Variants in SEPTIN9 observed in about 807,000 individuals in gnomAD.
The protein encoded by SEPTIN9 is septin-9.
A neutral mutation model predicts 56.6 loss-of-function variants in SEPTIN9; 13 were observed. The observed-to-expected ratio is 0.23, with a 90% CI of 0.15 to 0.37. SEPTIN9 has a LOEUF of 0.37. Ranked by LOEUF, SEPTIN9 falls within the 10% of genes least tolerant of loss-of-function variation. SEPTIN9 has a pLI of 1.00. For synonymous variants in SEPTIN9, 332 were observed against 334.1 expected (o/e 0.99, Z 0.07); for missense variants, 650 against 823.1 (o/e 0.79, Z 2.57).
At chr17:77,479,478 G>A (rs1343662426) in intron 3 of SEPTIN9, among the ~76,000 whole-genome samples, 1 of 152,266 alleles carries the variant, frequency 6.6e-6, no homozygotes, top group Non-Finnish European at 1.5e-5. Flanking sequence ...CGCCTCTCGA[G>A]GGAGGGGTTG....
At chr17:77,452,579 T>A (rs1247116199) in intron 3 of SEPTIN9, among the ~76,000 whole-genome samples, 2 of 152,142 alleles carry the variant, frequency 1.3e-5, no homozygotes, top group Non-Finnish European at 2.9e-5. Context: ...GGTTGAGCAG[T>A]GGTTTTCTGG....
intron 2 of SEPTIN9, among the ~76,000 whole-genome samples, chr17:77,312,576 C>T (rs777814161): frequency 8.5e-5 from 13 of 152,128 alleles, no homozygotes; most frequent in East Asian, 1.9e-4. Flanking sequence ...TCCATAGCCT[C>T]GGACCAGAGC....
chr17:77,479,817 G>A (rs1290503306), intron 3 of SEPTIN9, among the ~76,000 whole-genome samples: 1 of 152,114 alleles, frequency 6.6e-6, no homozygotes, highest in Non-Finnish European at 1.5e-5. Context: ...CCAGTCCCAG[G>A]CAAAATGGCT....
chr17:77,320,340 G>A lies in SEPTIN9; in HGVS notation c.76+13143G>A, dbSNP rs200814561. 9.5e-5 allele frequency: 154 copies of A among 1,613,092 alleles called. No individual in the cohort carries two copies. The highest frequency in any genetic ancestry group is 1.2e-4 in the Non-Finnish European group (141 of 1,179,790). Reference sequence around the variant, plus strand: ...ATATCCGTAGGAATGGAGAGGGACCGGATCTCAGGTACGCAGACAGCCCCC... The same window carrying A: ...ATATCCGTAGGAATGGAGAGGGACCAGATCTCAGGTACGCAGACAGCCCCC... On this transcript the variant is annotated intron_variant, in intron 2 of 11. Coordinates refer to ENST00000427177, the MANE Select transcript of SEPTIN9 (RefSeq NM_001113491.2).
At chr17:77,411,075 A>T (rs938234439) in intron 3 of SEPTIN9, among the ~76,000 whole-genome samples, 1 of 147,840 alleles carries the variant, frequency 6.8e-6, no homozygotes, top group Non-Finnish European at 1.5e-5. Flanking sequence ...ACAGAACAAG[A>T]CTCCCATCTG....
In SEPTIN9 at chr17:77,476,476, G is replaced by A. The variant is rs750840049; in HGVS notation, c.722-5668G>A. ...GTCACTAAGTGCAGATGTTCCCAGAGGGTGCTGGCTCAGGGCTGCGTGGAT... is the reference window on the plus strand; with the variant it reads ...GTCACTAAGTGCAGATGTTCCCAGAAGGTGCTGGCTCAGGGCTGCGTGGAT... On this transcript the variant is annotated intron_variant, in intron 3 of 11. Transcript: ENST00000427177. This position sits in a 1 kb window ranked among gnomAD's most constrained non-coding sequence, Gnocchi z 6.0. Among the ~76,000 whole-genome samples the A allele has an allele frequency of 1.3e-5, 2 of 152,222 alleles. No individual in the cohort carries two copies. Among genetic ancestry groups the A allele is most frequent in the Non-Finnish European group, 2.9e-5 (2 of 68,036 alleles).
intron 3 of SEPTIN9, among the ~76,000 whole-genome samples, chr17:77,447,616 ATTCAT>A (rs2037790217): frequency 6.6e-6 from 1 of 152,316 alleles, no homozygotes; most frequent in East Asian, 1.9e-4. Flanking sequence ...TGCCTAAAAC[ATTCAT>A]TTCTTTTTTT....
chr17:77,385,140 TG>T (rs2143994919), intron 2 of SEPTIN9, among the ~76,000 whole-genome samples: 1 of 148,418 alleles, frequency 6.7e-6, no homozygotes, highest in African/African-American at 2.5e-5. Flanking sequence ...GAGACCAGCC[TG>T]GGCAACATAG....
At chr17:77,408,969 G>T (rs976811408) in intron 3 of SEPTIN9, among the ~76,000 whole-genome samples, 2 of 152,156 alleles carry the variant, frequency 1.3e-5, no homozygotes, top group Non-Finnish European at 2.9e-5. Context: ...GTCTGATGAA[G>T]CAGTGAGTTT....
rs1456920929 is a variant in SEPTIN9 at position 77,421,287 on chromosome 17, C to T, written c.721+18584C>T. On this transcript the variant is annotated intron_variant, in intron 3 of 11. Coordinates refer to ENST00000427177, the MANE Select transcript of SEPTIN9 (RefSeq NM_001113491.2). The surrounding 1 kb of genome is among the most constrained non-coding windows in gnomAD (Gnocchi z 4.6). ...CTGCCCTGGATTTTGAAATAAGACA[C>T]CGCCCGTCTGTGGGGTGAGCAGGAA... Among the ~76,000 whole-genome samples the T allele has an allele frequency of 6.6e-6, 1 of 152,202 alleles. No homozygotes were observed. Among genetic ancestry groups the T allele is most frequent in the Non-Finnish European group, 1.5e-5 (1 of 68,044 alleles).
chr17:77,321,898 G>C (rs2032950744), intron 2 of SEPTIN9, among the ~76,000 whole-genome samples: 1 of 152,232 alleles, frequency 6.6e-6, no homozygotes, highest in Non-Finnish European at 1.5e-5. Context: ...CCAGCGTCCT[G>C]CTCTCCGCCC....
chr17:77,429,435 G>A lies in SEPTIN9; in HGVS notation c.721+26732G>A, dbSNP rs1407035481. 1.0e-5 allele frequency: 4 copies of A among 388,708 alleles called. No individual in the cohort carries two copies. Among genetic ancestry groups the A allele is most frequent in the South Asian group, 3.8e-5 (2 of 53,036 alleles). 24.1% of individuals were successfully genotyped at this position (388,708 alleles called of 1,614,324 possible). A position where few individuals can be genotyped will look rare whatever the true frequency, so the allele number is the denominator to read the frequency against. ...TGCTCGCCGATTGCATTTGGGGAGG[G>A]ACTGAGGGCTGATTGTGTTGTGGGG... On this transcript the variant is annotated intron_variant, in intron 3 of 11. Coordinates refer to ENST00000427177, the MANE Select transcript of SEPTIN9 (RefSeq NM_001113491.2). This position sits in a 1 kb window ranked among gnomAD's most constrained non-coding sequence, Gnocchi z 5.2.
At chr17:77,287,413 G>A (rs2031330635) in intron 1 of SEPTIN9, among the ~76,000 whole-genome samples, 1 of 152,364 alleles carries the variant, frequency 6.6e-6, no homozygotes, top group South Asian at 2.1e-4. Context: ...TGAGCTGTGA[G>A]CTGCCCGTCT....
rs1364542804 is a variant in SEPTIN9 at position 77,450,624 on chromosome 17, C to A, written c.722-31520C>A. 1 of 985,756 alleles carries A rather than the reference C, an allele frequency of 1.0e-6. No homozygotes were observed. The highest frequency in any genetic ancestry group is 6.1e-5 in the Admixed American group (1 of 16,272). 61.1% of individuals were successfully genotyped at this position (985,756 alleles called of 1,614,324 possible). A position where few individuals can be genotyped will look rare whatever the true frequency, so the allele number is the denominator to read the frequency against. On this transcript the variant is annotated intron_variant, in intron 3 of 11. Coordinates refer to ENST00000427177, the MANE Select transcript of SEPTIN9 (RefSeq NM_001113491.2). This position sits in a 1 kb window ranked among gnomAD's most constrained non-coding sequence, Gnocchi z 6.0. ...AGTGTCAGCTCCCTCCTCTGGGGACCCCCTTGCTTGTGCCCCTCTGGGTCC... is the reference window on the plus strand; with the variant it reads ...AGTGTCAGCTCCCTCCTCTGGGGACACCCTTGCTTGTGCCCCTCTGGGTCC...
Position 77,488,819 on chromosome 17 carries a change from C to T in SEPTIN9, c.1217C>T (p.Thr406Ile), listed in dbSNP as rs573798662. Residue 406 changes from threonine to isoleucine, a missense_variant, in exon 7 of 12, where the codon ACC becomes ATC. Physicochemically the swap from Thr to Ile is moderately conservative, Grantham distance 89 (BLOSUM62 -1). Transcript: ENST00000427177. ...NINRKKRIPD[T>I]RVHCCLYFIP... is the part of the protein sequence containing the mutation. The stretch of plus-strand genomic sequence containing the variant: ...AACCGCAAGAAGCGCATCCCGGACA[C>T]CCGCGTCCACTGCTGCCTCTACTTC... The T allele has an allele frequency of 1.9e-6, 3 of 1,613,776 alleles. No homozygotes were observed. The African/African-American group carries it at 4.0e-5, about 22-fold the overall frequency.
chr17:77,296,489 A>G (rs1161288453), intron 1 of SEPTIN9, among the ~76,000 whole-genome samples: 3 of 152,186 alleles, frequency 2.0e-5, no homozygotes, highest in African/African-American at 7.2e-5. Flanking sequence ...ACAGACAGGC[A>G]GACAAATGGA....
intron 2 of SEPTIN9, chr17:77,397,156 G>C (rs1403612556): frequency 9.0e-5 from 14 of 154,734 alleles, no homozygotes; most frequent in Non-Finnish European, 1.5e-5. Context: ...AGATTGATTC[G>C]CTCATGGTTC....
At chr17:77,361,757 G>A (rs312880) in intron 2 of SEPTIN9, among the ~76,000 whole-genome samples, 38,929 of 151,658 alleles carry the variant, frequency 0.26, 5,426 homozygotes, top group East Asian at 0.61. Flanking sequence ...CTCAGCCTCC[G>A]GAGTAGCTGG....
chr17:77,490,197 C>T (rs2039964858), intron 7 of SEPTIN9, among the ~76,000 whole-genome samples: 1 of 152,206 alleles, frequency 6.6e-6, no homozygotes, highest in Non-Finnish European at 1.5e-5. Flanking sequence ...AGCTCGGCTC[C>T]AGAACTGGGG....
Sources: allele counts gnomAD v4.1 joint callset (sites outside exome capture counted in the v4.1 genomes callset), GRCh38; gene constraint gnomAD v4.1.1; non-coding constraint Gnocchi (gnomAD v3.1); transcripts MANE v1.5; gene names NCBI Gene and HGNC (gene_info 2026-07-23, HGNC 2026-07-21).